LGALS4: variants seen among roughly 807,000 people sequenced by gnomAD.
LGALS4 encodes the protein galectin-4.
Under a neutral mutation model 39.6 loss-of-function variants are expected in LGALS4, and 37 were observed. The ratio of observed to expected loss-of-function variants is 0.93; its 90% CI spans 0.72 to 1.23. The LOEUF is 1.23. LGALS4 is among the 50% of genes most tolerant of loss of function. The pLI, the probability that LGALS4 is intolerant of heterozygous loss-of-function variation, is 0.00. For synonymous variants in LGALS4, 160 were observed against 165.5 expected, an observed-to-expected ratio of 0.97 and a Z score of 0.25; for missense variants, 397 against 433.2, an observed-to-expected ratio of 0.92 and a Z score of 0.74.
At chr19:38,809,674 G>GTTTTTTTTTTTTTT (rs1971470367) in intron 2 of LGALS4, among the ~76,000 whole-genome samples, 1 of 94,320 alleles carries the variant, frequency 1.1e-5, no homozygotes, top group Non-Finnish European at 2.0e-5. Context: ...TTTTTTTGTA[G>GTTTTTTTTTTTTTT]AGATGGGGTC....
chr19:38,808,730 G>T lies in LGALS4; in HGVS notation c.339+14C>A, dbSNP rs979014130. The T allele has an allele frequency of 8.7e-6, 14 of 1,609,438 alleles. No homozygotes were observed. In the African/African-American group the frequency reaches 1.6e-4, roughly 18 times the overall value. On this transcript the variant is annotated intron_variant, in intron 3 of 9. Transcript: ENST00000307751. Reference sequence around the variant, plus strand: ...GCACTCCAGCTTGGGAAACAAGAGAGAAAGCATGCAGACCTTGTAGTGCTC... The same window carrying T: ...GCACTCCAGCTTGGGAAACAAGAGATAAAGCATGCAGACCTTGTAGTGCTC...
At chr19:38,808,998 G>T in intron 2 of LGALS4, 50 bp from the exon 3 acceptor site, 1 of 1,481,682 alleles carries the variant, frequency 6.7e-7, no homozygotes, top group South Asian at 1.2e-5. Flanking sequence ...CCCGGGGCCT[G>T]GGGGCCTCCT....
intron 2 of LGALS4, among the ~76,000 whole-genome samples, chr19:38,810,381 G>A (rs1451808936): frequency 1.8e-4 from 2 of 11,216 alleles, no homozygotes; most frequent in African/African-American, 4.7e-4. Flanking sequence ...TTTTTTTTTT[G>A]AGATGGAGTC....
At chr19:38,802,751 C>T (rs1568349627) in intron 7 of LGALS4, among the ~76,000 whole-genome samples, 1 of 152,052 alleles carries the variant, frequency 6.6e-6, no homozygotes, top group Non-Finnish European at 1.5e-5. Flanking sequence ...AATCTCAGCT[C>T]ACTGCAACCT....
At chr19:38,810,943 C>G (rs1224377241) in intron 2 of LGALS4, among the ~76,000 whole-genome samples, 2 of 149,868 alleles carry the variant, frequency 1.3e-5, no homozygotes, top group African/African-American at 4.9e-5. Context: ...CTCTTGTTGC[C>G]CAGGCTGTAG....
Position 38,801,748 on chromosome 19 carries a change from T to C in LGALS4, c.*16A>G. 1.9e-6 allele frequency: 3 copies of C among 1,613,596 alleles called. No homozygotes were observed. The highest frequency in any genetic ancestry group is 2.5e-6 in the Non-Finnish European group (3 of 1,179,684). ...GATAATTCTGTTTTCCCATGAGTTA[T>C]GGCCCCAGGAATAGATTAGATCTGG... On this transcript the variant is annotated 3_prime_UTR_variant, in exon 10 of 10. Transcript: ENST00000307751.
At position 38,806,554 on chromosome 19, in the gene LGALS4, C is replaced by T. The variant is rs1204248874; in HGVS notation, c.381G>A (p.Arg127=). 2 of 1,613,918 alleles carry T rather than the reference C, an allele frequency of 1.2e-6. No individual in the cohort carries two copies. The highest frequency in any genetic ancestry group is 2.2e-5 in the East Asian group (1 of 44,888). Residue 127 remains arginine, a synonymous_variant, in exon 4 of 10, where the codon CGG becomes CGA. Transcript: ENST00000307751. Reference sequence around the variant, plus strand: ...GGTGGGTGACCATCTGTAGGGGAAGCCGGTGCCCGTACTCATAGAAGGGAT... The same window carrying T: ...GGTGGGTGACCATCTGTAGGGGAAGTCGGTGCCCGTACTCATAGAAGGGAT... The part of the protein sequence containing the change: ...NGNPFYEYGH[R]LPLQMVTHLQ...
At position 38,802,074 on chromosome 19, in the gene LGALS4, C is replaced by A; in HGVS notation, c.743G>T (p.Arg248Leu). The A allele has an allele frequency of 6.2e-7, 1 of 1,614,180 alleles. No homozygotes were observed. The highest frequency in any genetic ancestry group is 1.3e-5 in the African/African-American group (1 of 75,028). ...CCACGAGCCATTCAGAAGGCTGTTC[C>A]GGACCACGGTACCGTTGCCCATGCG... Reference protein sequence around the residue: ...NPRMGNGTVVRNSLLNGSWGS... With the variant: ...NPRMGNGTVVLNSLLNGSWGS... The change falls in exon 9 of 10, where the codon CGG becomes CTG. Residue 248 changes from arginine to leucine, a missense_variant. Physicochemically the swap from Arg to Leu is moderately radical, Grantham distance 102 (BLOSUM62 -2). Transcript: ENST00000307751.
At chr19:38,808,332 A>T (rs554346189) in intron 3 of LGALS4, among the ~76,000 whole-genome samples, 1 of 151,992 alleles carries the variant, frequency 6.6e-6, no homozygotes, top group African/African-American at 2.4e-5. Flanking sequence ...AAGAGGAAAA[A>T]GAAGGAAGGG....
At chr19:38,808,623 C>T in intron 3 of LGALS4, 121 bp downstream of exon 3, 2 of 538,102 alleles carry the variant, frequency 3.7e-6, no homozygotes, top group Non-Finnish European at 6.0e-6. Flanking sequence ...AACTCCATCT[C>T]AAAAAAAAAA....
rs750695515 is a variant in LGALS4 at position 38,812,935 on chromosome 19, T to C, written c.-49A>G. On this transcript the variant is annotated 5_prime_UTR_variant, in exon 1 of 10. Transcript: ENST00000307751. The stretch of plus-strand genomic sequence containing the variant: ...GGTCCTGTGAGAAGAGCTGCAGGAG[T>C]GGGAGATGGTGGCGGATGGCAGGCG... 6.4e-7 allele frequency: 1 copy of C among 1,568,172 alleles called. No individual in the cohort carries two copies. Among genetic ancestry groups the C allele is most frequent in the African/African-American group, 1.4e-5 (1 of 73,632 alleles).
chr19:38,803,525 G>A lies in LGALS4; in HGVS notation c.567C>T (p.Asn189=), dbSNP rs1192110415. 2 of 1,613,932 alleles carry A rather than the reference G, an allele frequency of 1.2e-6. No homozygotes were observed. Among genetic ancestry groups the A allele is most frequent in the Admixed American group, 1.7e-5 (1 of 59,994 alleles). The stretch of plus-strand genomic sequence containing the variant: ...TCTCTGTTTCCCCAAGCCATACCGG[G>A]TTGAAGGTTGGGGGTCCTTCCATGG... ...LPTMEGPPTF[N]PPVPYFGRLQ... is the part of the protein sequence containing the mutation. Residue 189 remains asparagine (N), a synonymous_variant, in exon 7 of 10, where the codon AAC becomes AAT. Transcript: ENST00000307751.
chr19:38,809,341 G>A (rs1252770377), intron 2 of LGALS4, among the ~76,000 whole-genome samples: 6 of 151,584 alleles, frequency 4.0e-5, no homozygotes, highest in Admixed American at 1.3e-4. Context: ...CACCACGTCC[G>A]GCTAATTTTT....
intron 3 of LGALS4, among the ~76,000 whole-genome samples, chr19:38,807,240 C>CACCT (rs1180137644): frequency 6.6e-6 from 1 of 152,036 alleles, no homozygotes; most frequent in Non-Finnish European, 1.5e-5. Context: ...TGGTGGTGTG[C>CACCT]ACCTAGAGTC....
intron 3 of LGALS4, among the ~76,000 whole-genome samples, chr19:38,808,413 C>A (rs896705204): frequency 6.6e-6 from 1 of 151,802 alleles, no homozygotes; most frequent in African/African-American, 2.4e-5. Flanking sequence ...CACCTGAGGT[C>A]GGGAGTTCGA....
chr19:38,803,181 A>AT (rs1316335104), intron 7 of LGALS4: 2 of 300,362 alleles, frequency 6.7e-6, no homozygotes, highest in African/African-American at 4.3e-5. Flanking sequence ...TGCCCAGCTA[A>AT]TTTTTGTATT....
chr19:38,812,777 G>A, intron 1 of LGALS4, 65 bp downstream of exon 1: 2 of 1,565,414 alleles, frequency 1.3e-6, no homozygotes, highest in South Asian at 1.1e-5. Context: ...TCAGAGTGGG[G>A]AAAATTGGTG....
At chr19:38,809,173 C>CTTT (rs34677297) in intron 2 of LGALS4, among the ~76,000 whole-genome samples, 211 of 104,876 alleles carry the variant, frequency 2.0e-3, no homozygotes, top group East Asian at 4.5e-3. Context: ...GCCTTTCCTT[C>CTTT]TTTTTTTTTT....
chr19:38,808,866 T>C lies in LGALS4; in HGVS notation c.217A>G (p.Lys73Glu), dbSNP rs756111035. Residue 73 changes from lysine to glutamate, a missense_variant, in exon 3 of 10, where the codon AAG becomes GAG. Transcript: ENST00000307751. The part of the protein sequence containing the change: ...HFNPRFDGWD[K>E]VVFNTLQGGK... ...CCCTGCAACGTGTTGAAGACCACCT[T>C]GTCCCAGCCGTCAAACCGCGGATTG... 6.2e-7 allele frequency: 1 copy of C among 1,614,164 alleles called. No individual in the cohort carries two copies. Among genetic ancestry groups the C allele is most frequent in the South Asian group, 1.1e-5 (1 of 91,086 alleles).
Sources: allele counts gnomAD v4.1 joint callset (sites outside exome capture counted in the v4.1 genomes callset), GRCh38; gene constraint gnomAD v4.1.1; transcripts MANE v1.5; gene names NCBI Gene and HGNC (gene_info 2026-07-23, HGNC 2026-07-21).